The following GABRA3 variants were observed in gnomAD, a reference collection of about 807,000 sequenced individuals.
The protein encoded by GABRA3 is gamma-aminobutyric acid receptor subunit alpha-3.
Under a neutral mutation model 30.1 loss-of-function variants are expected in GABRA3, and 10 were observed. The observed-to-expected ratio is 0.33, with a 90% CI of 0.20 to 0.56. GABRA3 has a LOEUF of 0.56. Ranked by LOEUF, GABRA3 falls within the 20% of genes least tolerant of loss-of-function variation. The pLI, the probability that GABRA3 is intolerant of heterozygous loss-of-function variation, is 0.89. For synonymous variants in GABRA3, 151 were observed against 146.8 expected (o/e 1.03, Z -0.21); for missense variants, 233 against 392.0 (o/e 0.59, Z 3.42).
chrX:152,367,100 T>A (rs1351377883), intron 1 of GABRA3, among the ~76,000 whole-genome samples: 1 of 111,087 alleles, frequency 9.0e-6, no homozygotes, highest in Non-Finnish European at 1.9e-5. Flanking sequence ...TGAAGGAACA[T>A]CATACGAATA....
intron 1 of GABRA3, among the ~76,000 whole-genome samples, chrX:152,408,685 T>C (rs780572716): frequency 3.7e-5 from 4 of 109,305 alleles, no homozygotes; most frequent in Non-Finnish European, 5.7e-5. Context: ...GCCAAAGATA[T>C]TCTTCACAGA....
intron 1 of GABRA3, among the ~76,000 whole-genome samples, chrX:152,367,935 T>A (rs893072006): frequency 9.8e-5 from 11 of 111,912 alleles, no homozygotes; most frequent in Non-Finnish European, 5.6e-5. Flanking sequence ...AGGAAATATA[T>A]CCAAATTAAA....
intron 1 of GABRA3, among the ~76,000 whole-genome samples, chrX:152,416,635 A>T (rs1383074404): frequency 9.0e-5 from 10 of 111,321 alleles, no homozygotes; most frequent in Non-Finnish European, 1.9e-4. Context: ...CTACAAGGCT[A>T]CACAGTAACC....
chrX:152,404,528 C>G (rs1195299324), intron 1 of GABRA3, among the ~76,000 whole-genome samples: 1 of 110,240 alleles, frequency 9.1e-6, no homozygotes, highest in African/African-American at 3.3e-5. Context: ...CCTGCACTAC[C>G]CTAGCCAAAC....
intron 1 of GABRA3, among the ~76,000 whole-genome samples, chrX:152,389,810 A>G (rs761656856): frequency 9.0e-6 from 1 of 111,299 alleles, no homozygotes; most frequent in Admixed American, 9.7e-5. Flanking sequence ...GCTAATACAT[A>G]GTCCAATACA....
chrX:152,293,505 C>T (rs978295359), intron 3 of GABRA3, among the ~76,000 whole-genome samples: 12 of 111,183 alleles, frequency 1.1e-4, no homozygotes, highest in Admixed American at 2.9e-4. Context: ...TCTTGACTCT[C>T]TATCCAATTT....
chrX:152,298,795 A>G (rs750570081), intron 3 of GABRA3, among the ~76,000 whole-genome samples: 50 of 111,736 alleles, frequency 4.5e-4, no homozygotes, highest in East Asian at 1.7e-3. Flanking sequence ...CTGAGGAATC[A>G]CCACACTGAC....
At chrX:152,426,420 A>G (rs1270986976) in intron 1 of GABRA3, among the ~76,000 whole-genome samples, 2 of 112,031 alleles carry the variant, frequency 1.8e-5, no homozygotes, top group Non-Finnish European at 3.8e-5. Context: ...CACTCTTACA[A>G]TCATACTGCT....
At chrX:152,286,086 T>G (rs186353889) in intron 3 of GABRA3, among the ~76,000 whole-genome samples, 25 of 92,948 alleles carry the variant, frequency 2.7e-4, no homozygotes, top group Non-Finnish European at 2.0e-4. Context: ...GTTATAAATA[T>G]ACTTATAAAT....
chrX:152,273,043 G>T (rs1272235065), intron 4 of GABRA3, among the ~76,000 whole-genome samples: 2 of 111,493 alleles, frequency 1.8e-5, no homozygotes, highest in South Asian at 7.5e-4. Flanking sequence ...TCTGACAAGG[G>T]ATTAACAACC....
chrX:152,292,606 G>A (rs1233262421), intron 3 of GABRA3, among the ~76,000 whole-genome samples: 1 of 110,943 alleles, frequency 9.0e-6, no homozygotes, highest in Non-Finnish European at 1.9e-5. Flanking sequence ...GAATTTGCTT[G>A]TTGTTGCTTC....
intron 4 of GABRA3, 102 bp downstream of exon 4, chrX:152,284,566 A>G (rs945751691): frequency 1.9e-6 from 1 of 519,299 alleles, no homozygotes; most frequent in African/African-American, 2.4e-5. Flanking sequence ...AGAAAAGACC[A>G]CTCCTTAGAA....
chrX:152,249,998 CATG>C (rs2124409469), intron 5 of GABRA3, among the ~76,000 whole-genome samples: 1 of 110,999 alleles, frequency 9.0e-6, no homozygotes, highest in South Asian at 3.8e-4. Context: ...TTTTCTGATG[CATG>C]ATGTCGATTC....
At chrX:152,299,898 G>A (rs1315143992) in intron 3 of GABRA3, among the ~76,000 whole-genome samples, 2 of 111,667 alleles carry the variant, frequency 1.8e-5, no homozygotes, top group Non-Finnish European at 1.9e-5. Context: ...CACAAAGGGG[G>A]ACTGTGACAC....
intron 1 of GABRA3, among the ~76,000 whole-genome samples, chrX:152,427,627 A>C (rs1186919549): frequency 8.9e-6 from 1 of 112,233 alleles, no homozygotes; most frequent in Non-Finnish European, 1.9e-5. Flanking sequence ...ACTTTTTCAA[A>C]GTATGCCTTC....
intron 5 of GABRA3, among the ~76,000 whole-genome samples, chrX:152,242,709 A>T (rs1486137658): frequency 7.1e-5 from 8 of 112,198 alleles, no homozygotes; most frequent in Non-Finnish European, 1.5e-4. Context: ...CACACCTGTT[A>T]GGATGGCTAC....
chrX:152,346,336 C>T lies in GABRA3; in HGVS notation c.141-634G>A, dbSNP rs757281180. Among the ~76,000 whole-genome samples the T allele has an allele frequency of 3.6e-5, 4 of 111,672 alleles. No homozygotes were observed. In the East Asian group the frequency reaches 1.1e-3, roughly 32 times the overall value. ...TATCTCTTGCAATATACAAAAATCA[C>T]ATCAAAATGGATTAAAAGACTGAAA... On this transcript the variant is annotated intron_variant, in intron 2 of 9. Transcript: ENST00000370314.
chrX:152,323,320 A>G (rs1380851256), intron 3 of GABRA3, among the ~76,000 whole-genome samples: 2 of 111,300 alleles, frequency 1.8e-5, no homozygotes, highest in African/African-American at 3.3e-5. Context: ...TTTGAATGTC[A>G]GTTCTAGTAC....
chrX:152,245,732 T>C (rs1478617772), intron 5 of GABRA3, among the ~76,000 whole-genome samples: 1 of 112,083 alleles, frequency 8.9e-6, no homozygotes, highest in East Asian at 2.8e-4. Flanking sequence ...CTTCAAGTCT[T>C]TTCTCAAATA....
Sources: gnomAD v4.1 joint callset for allele counts (sites outside exome capture counted in the v4.1 genomes callset) on GRCh38, gnomAD v4.1.1 for gene constraint, MANE v1.5 for transcripts, NCBI Gene and HGNC (gene_info 2026-07-23, HGNC 2026-07-21) for gene names.